Variants in YPEL2 observed in about 807,000 individuals in gnomAD.
The protein encoded by YPEL2 is protein yippee-like 2.
A neutral mutation model predicts 19.1 loss-of-function variants in YPEL2; 2 were observed. That is an observed-to-expected ratio of 0.10 (90% CI 0.04 to 0.33). The LOEUF (loss-of-function observed/expected upper bound fraction) is 0.33, where lower values mean the gene tolerates loss of function less well. YPEL2 is among the 10% of genes least tolerant of loss of function. The pLI, the probability that YPEL2 is intolerant of heterozygous loss-of-function variation, is 1.00. For missense variants in YPEL2, 66 were observed against 140.7 expected, an observed-to-expected ratio of 0.47 and a Z score of 2.68; for synonymous variants, 52 against 50.0, an observed-to-expected ratio of 1.04 and a Z score of -0.17.
intron 1 of YPEL2, among the ~76,000 whole-genome samples, chr17:59,338,581 A>G (rs971826040): frequency 1.3e-5 from 2 of 152,166 alleles, no homozygotes; most frequent in Non-Finnish European, 2.9e-5. Flanking sequence ...AGAGGCACTG[A>G]GGTGTGAATA....
At chr17:59,344,238 G>A (rs935583496) in intron 1 of YPEL2, among the ~76,000 whole-genome samples, 1 of 152,156 alleles carries the variant, frequency 6.6e-6, no homozygotes, top group Non-Finnish European at 1.5e-5. Context: ...GGAGTAGAAG[G>A]CACAGGTTTA....
At chr17:59,339,345 AG>A (rs2047715941) in intron 1 of YPEL2, among the ~76,000 whole-genome samples, 1 of 152,194 alleles carries the variant, frequency 6.6e-6, no homozygotes, top group Non-Finnish European at 1.5e-5. Flanking sequence ...TTTGAGGAAA[AG>A]TTATCCCCAC....
rs763193474 is a variant in YPEL2 at position 59,353,244 on chromosome 17, G to A, written c.-166G>A. The A allele has an allele frequency of 9.1e-5, 53 of 582,414 alleles. No homozygotes were observed. Among genetic ancestry groups the A allele is most frequent in the Middle Eastern group, 4.6e-4 (1 of 2,178 alleles). The allele number at this position is 582,414 out of a possible 1,614,324, so 36.1% of individuals were successfully genotyped here. A position where few individuals can be genotyped will look rare whatever the true frequency, so the allele number is the denominator to read the frequency against. ...CTGAGAACTAGCCCTAGACCTCTGC[G>A]TGAGGGTTCTTCTGCCGAAGACATC... is the stretch of plus-strand genomic sequence containing the variant. On this transcript the variant is annotated 5_prime_UTR_variant, in exon 2 of 5. It adds an upstream start codon to the 5' untranslated region. Transcript: ENST00000312655. The surrounding 1 kb of genome is among the most constrained non-coding windows in gnomAD (Gnocchi z 4.8).
chr17:59,378,925 A>G (rs12600587), intron 2 of YPEL2, among the ~76,000 whole-genome samples: 14,154 of 152,160 alleles, frequency 0.093, 1,179 homozygotes, highest in East Asian at 0.44. Flanking sequence ...AGGTTCCTAG[A>G]CAGGTGTGTG....
At chr17:59,347,930 TC>T (rs1201426111) in intron 1 of YPEL2, among the ~76,000 whole-genome samples, 1 of 152,136 alleles carries the variant, frequency 6.6e-6, no homozygotes, top group Non-Finnish European at 1.5e-5. Flanking sequence ...TCTTTTTCTT[TC>T]TTTTTTTTTA....
At chr17:59,358,831 C>T (rs185894545) in intron 2 of YPEL2, among the ~76,000 whole-genome samples, 2 of 151,958 alleles carry the variant, frequency 1.3e-5, no homozygotes, top group African/African-American at 4.8e-5. Context: ...TGATCTCGAA[C>T]TCCTGACCTC....
At position 59,394,895 on chromosome 17, in the gene YPEL2, C is replaced by T. The variant is rs560207484; in HGVS notation, c.271-2206C>T. Among the ~76,000 whole-genome samples the T allele has an allele frequency of 1.4e-4, 22 of 152,336 alleles. No individual in the cohort carries two copies. In the Middle Eastern group the frequency reaches 0.014, roughly 94 times the overall value. ...CGCGGTTAGGAGCTGGAGACCAGCC[C>T]GGCCAACACAGCGAAACCCCGTCTC... On this transcript the variant is annotated intron_variant, in intron 4 of 4. Coordinates refer to ENST00000312655, the MANE Select transcript of YPEL2 (RefSeq NM_001005404.4).
intron 2 of YPEL2, among the ~76,000 whole-genome samples, chr17:59,364,861 A>G (rs1388489943): frequency 6.6e-6 from 1 of 152,124 alleles, no homozygotes; most frequent in African/African-American, 2.4e-5. Context: ...CGAACTCCTG[A>G]CCTCAGGTGA....
intron 2 of YPEL2, among the ~76,000 whole-genome samples, chr17:59,369,404 C>G (rs974026890): frequency 6.6e-6 from 1 of 152,236 alleles, no homozygotes; most frequent in East Asian, 1.9e-4. Flanking sequence ...GACCCCACCT[C>G]ACAGATTCCT....
At chr17:59,394,872 C>A (rs190728300) in intron 4 of YPEL2, among the ~76,000 whole-genome samples, 1 of 152,224 alleles carries the variant, frequency 6.6e-6, no homozygotes, top group Non-Finnish European at 1.5e-5. Flanking sequence ...GGATCACTCG[C>A]GGTTAGGAGC....
intron 1 of YPEL2, among the ~76,000 whole-genome samples, chr17:59,335,901 T>A (rs1468656019): frequency 1.3e-5 from 2 of 152,174 alleles, no homozygotes; most frequent in Non-Finnish European, 2.9e-5. Context: ...CAGAGCTACT[T>A]CCTGACGGAC....
At chr17:59,352,059 T>C (rs1376920754) in intron 1 of YPEL2, among the ~76,000 whole-genome samples, 1 of 152,228 alleles carries the variant, frequency 6.6e-6, no homozygotes, top group Non-Finnish European at 1.5e-5. Flanking sequence ...ATTTGCAGGC[T>C]TTCTCTAAAG....
chr17:59,344,705 C>T (rs2047747574), intron 1 of YPEL2, among the ~76,000 whole-genome samples: 3 of 152,278 alleles, frequency 2.0e-5, no homozygotes, highest in Admixed American at 1.3e-4. Context: ...TTGCAGTGAG[C>T]CAAAATCACG....
chr17:59,393,060 G>C (rs1373999542), intron 4 of YPEL2, among the ~76,000 whole-genome samples: 1 of 152,208 alleles, frequency 6.6e-6, no homozygotes, highest in Non-Finnish European at 1.5e-5. Context: ...GTGTGTTTCT[G>C]TTGACACCAG....
chr17:59,383,797 G>A (rs1168733930), intron 2 of YPEL2, among the ~76,000 whole-genome samples: 6 of 150,872 alleles, frequency 4.0e-5, no homozygotes, highest in Non-Finnish European at 7.4e-5. Flanking sequence ...AGCAGCCACC[G>A]ATCTTCTTAG....
intron 1 of YPEL2, among the ~76,000 whole-genome samples, chr17:59,332,368 C>G (rs1014306085): frequency 6.6e-6 from 1 of 152,192 alleles, no homozygotes. Context: ...GTCGTCTGCC[C>G]CGACCCGGGT....
rs541010464 is a variant in YPEL2 at position 59,339,207 on chromosome 17, A to G, written c.-196+7383A>G. On this transcript the variant is annotated intron_variant, in intron 1 of 4. Coordinates refer to ENST00000312655, the MANE Select transcript of YPEL2 (RefSeq NM_001005404.4). ...ACATTGACCCATTGCCAAATGAACCATAAGAGAGAAATGAATTAACTTTCA... is the reference window on the plus strand; with the variant it reads ...ACATTGACCCATTGCCAAATGAACCGTAAGAGAGAAATGAATTAACTTTCA... Among the ~76,000 whole-genome samples, 3 of 148,688 alleles carry G rather than the reference A, an allele frequency of 2.0e-5. No individual in the cohort carries two copies. In the South Asian group the frequency reaches 6.4e-4, roughly 32 times the overall value.
rs1195880041 is a variant in YPEL2, at chr17:59,400,158, C to T, written c.*2968C>T. The T allele has an allele frequency of 6.6e-6, 1 of 152,492 alleles. No homozygotes were observed. The highest frequency in any genetic ancestry group is 2.4e-5 in the African/African-American group (1 of 41,390). The allele number at this position is 152,492 out of a possible 1,614,324, so 9.4% of individuals were successfully genotyped here. On this transcript the variant is annotated 3_prime_UTR_variant, in exon 5 of 5. Coordinates refer to ENST00000312655, the MANE Select transcript of YPEL2 (RefSeq NM_001005404.4). ...GACATGAACCAAACACAGCCAAACT[C>T]GATACCCACAAGCTGTCAGCTGAAC...
chr17:59,391,582 C>G (rs1317409643), intron 4 of YPEL2, among the ~76,000 whole-genome samples: 1 of 151,898 alleles, frequency 6.6e-6, no homozygotes, highest in Non-Finnish European at 1.5e-5. Context: ...TTCCCCATCT[C>G]CCTGGAAACA....
Sources: gnomAD v4.1 joint callset for allele counts (sites outside exome capture counted in the v4.1 genomes callset) on GRCh38, gnomAD v4.1.1 for gene constraint, Gnocchi (gnomAD v3.1) non-coding constraint, MANE v1.5 for transcripts, NCBI Gene and HGNC (gene_info 2026-07-23, HGNC 2026-07-21) for gene names.